Variants in MAGI1 observed in about 807,000 individuals in gnomAD.
The protein encoded by MAGI1 is membrane-associated guanylate kinase, WW and PDZ domain-containing protein 1.
Under a neutral mutation model 139.9 loss-of-function variants are expected in MAGI1, and 58 were observed. That is an observed-to-expected ratio of 0.41 (90% confidence interval 0.34 to 0.52). MAGI1 has a LOEUF of 0.52. Ranked by LOEUF, MAGI1 falls within the 20% of genes least tolerant of loss-of-function variation. MAGI1 has a pLI of 0.12. For synonymous variants in MAGI1, 812 were observed against 737.9 expected (o/e 1.10, Z -1.63); for missense variants, 1,874 against 1,901.6 (o/e 0.99, Z 0.27).
intron 1 of MAGI1, among the ~76,000 whole-genome samples, chr3:65,852,031 G>A (rs1005757042): frequency 2.0e-5 from 3 of 152,160 alleles, no homozygotes; most frequent in Non-Finnish European, 2.9e-5. Flanking sequence ...GAATAAAAGC[G>A]AATACATTGA....
At chr3:65,501,453 CAAAA>C (rs35967662) in intron 2 of MAGI1, among the ~76,000 whole-genome samples, 11 of 80,648 alleles carry the variant, frequency 1.4e-4, no homozygotes, top group South Asian at 5.6e-4. Flanking sequence ...GACTCTGTCT[CAAAA>C]AAAAAAAAAA....
chr3:65,541,302 C>T (rs1305407861), intron 2 of MAGI1, among the ~76,000 whole-genome samples: 1 of 151,994 alleles, frequency 6.6e-6, no homozygotes, highest in Admixed American at 6.6e-5. Flanking sequence ...CAAAAAAAGC[C>T]CAGGACAAGA....
chr3:65,584,888 G>A (rs564610907), intron 2 of MAGI1, among the ~76,000 whole-genome samples: 1 of 152,226 alleles, frequency 6.6e-6, no homozygotes, highest in Admixed American at 6.5e-5. Context: ...CTAGACACTG[G>A]TGCTATAATG....
chr3:65,704,104 T>C (rs1044387987), intron 1 of MAGI1, among the ~76,000 whole-genome samples: 1 of 152,128 alleles, frequency 6.6e-6, no homozygotes, highest in Non-Finnish European at 1.5e-5. Flanking sequence ...GCATCACCAA[T>C]CCACTATTCC....
intron 2 of MAGI1, among the ~76,000 whole-genome samples, chr3:65,506,652 C>T (rs1041030505): frequency 7.9e-5 from 12 of 152,250 alleles, no homozygotes; most frequent in African/African-American, 2.2e-4. Context: ...GCCACTAGCA[C>T]GGATCCATAA....
In MAGI1 at chr3:65,355,545, A is replaced by G. The variant is rs1310792410; in HGVS notation, c.*833T>C. The G allele has an allele frequency of 1.3e-5, 2 of 152,536 alleles. No individual in the cohort carries two copies. The highest frequency in any genetic ancestry group is 1.9e-4 in the East Asian group (1 of 5,176). 9.4% of individuals were successfully genotyped at this position (152,536 alleles called of 1,614,324 possible). On this transcript the variant is annotated 3_prime_UTR_variant, in exon 23 of 23. Coordinates refer to ENST00000402939, the MANE Select transcript of MAGI1 (RefSeq NM_001033057.2). ...GCCTCCAATCAGACGAGACAACACG[A>G]AAGATGCTTGTTGTCTCTTCCTCGT...
At chr3:65,406,707 A>G (rs910915091) in intron 12 of MAGI1, among the ~76,000 whole-genome samples, 3 of 151,896 alleles carry the variant, frequency 2.0e-5, no homozygotes, top group Non-Finnish European at 4.4e-5. Flanking sequence ...ACTGTCCTGG[A>G]GTTGGATTAG....
chr3:65,398,493 C>T (rs769117981), intron 13 of MAGI1, among the ~76,000 whole-genome samples: 3 of 151,464 alleles, frequency 2.0e-5, no homozygotes, highest in Non-Finnish European at 4.4e-5. Flanking sequence ...AGTGAGACCT[C>T]ATCTCAAAAA....
intron 18 of MAGI1, among the ~76,000 whole-genome samples, chr3:65,369,905 T>C (rs1015439117): frequency 1.3e-5 from 2 of 152,264 alleles, no homozygotes; most frequent in African/African-American, 4.8e-5. Flanking sequence ...TTTGGGCCAC[T>C]TGATGAAGTA....
At chr3:65,964,888 A>G (rs1395834431) in intron 1 of MAGI1, among the ~76,000 whole-genome samples, 1 of 152,200 alleles carries the variant, frequency 6.6e-6, no homozygotes, top group Non-Finnish European at 1.5e-5. Flanking sequence ...GTGGATGTCC[A>G]GGCCACACAA....
At chr3:65,521,906 T>C (rs1286706680) in intron 2 of MAGI1, among the ~76,000 whole-genome samples, 1 of 152,214 alleles carries the variant, frequency 6.6e-6, no homozygotes, top group Non-Finnish European at 1.5e-5. Context: ...TGGGACTTAA[T>C]GTATCTGGGA....
chr3:65,789,983 A>T (rs991529771), intron 1 of MAGI1, among the ~76,000 whole-genome samples: 1 of 152,202 alleles, frequency 6.6e-6, no homozygotes, highest in African/African-American at 2.4e-5. Flanking sequence ...GAAACATTAT[A>T]AGCAGAATCA....
chr3:66,017,237 G>C (rs1240620657), intron 1 of MAGI1, among the ~76,000 whole-genome samples: 1 of 152,244 alleles, frequency 6.6e-6, no homozygotes. Context: ...GTAGGAGTTA[G>C]TCAGTGCGGG....
At chr3:65,620,027 C>G in intron 2 of MAGI1, 1 of 983,802 alleles carries the variant, frequency 1.0e-6, no homozygotes, top group Non-Finnish European at 1.2e-6. Context: ...TAGTGGTAAG[C>G]TTAAAATCAA....
At chr3:65,809,590 A>G (rs74985526) in intron 1 of MAGI1, among the ~76,000 whole-genome samples, 5,350 of 152,232 alleles carry the variant, frequency 0.035, 244 homozygotes, top group African/African-American at 0.1. Context: ...AACAATCAAA[A>G]AACTTTCAGC....
chr3:65,516,420 C>G (rs1300309968), intron 2 of MAGI1, among the ~76,000 whole-genome samples: 1 of 152,018 alleles, frequency 6.6e-6, no homozygotes, highest in Admixed American at 6.6e-5. Flanking sequence ...CCTTGGGATC[C>G]GCCCGCCTGG....
intron 13 of MAGI1, among the ~76,000 whole-genome samples, chr3:65,396,396 A>G (rs1423354162): frequency 1.3e-5 from 2 of 149,284 alleles, no homozygotes; most frequent in East Asian, 3.8e-4. Flanking sequence ...GACCTTTTAA[A>G]CTAAAACTAA....
At chr3:65,576,240 A>G (rs566610265) in intron 2 of MAGI1, among the ~76,000 whole-genome samples, 1 of 152,340 alleles carries the variant, frequency 6.6e-6, no homozygotes, top group Admixed American at 6.5e-5. Context: ...ATCAAGTAAC[A>G]CGTATTAATA....
At chr3:65,466,320 G>A (rs998228002) in intron 5 of MAGI1, among the ~76,000 whole-genome samples, 12 of 152,122 alleles carry the variant, frequency 7.9e-5, no homozygotes, top group South Asian at 2.1e-4. Context: ...TATTAACATG[G>A]ATTTTTTGGT....
Sources: gnomAD v4.1 joint callset for allele counts (sites outside exome capture counted in the v4.1 genomes callset) on GRCh38, gnomAD v4.1.1 for gene constraint, MANE v1.5 for transcripts, NCBI Gene and HGNC (gene_info 2026-07-23, HGNC 2026-07-21) for gene names.